CACNA2D1: variants seen among roughly 807,000 people sequenced by gnomAD.
CACNA2D1 encodes voltage-dependent calcium channel subunit alpha-2/delta-1.
Under a neutral mutation model 171.5 loss-of-function variants are expected in CACNA2D1, and 53 were observed. That is an observed-to-expected ratio of 0.31 (90% CI 0.25 to 0.39). The LOEUF is 0.39. Among genes scored for constraint, CACNA2D1 ranks in the 10% least tolerant of loss-of-function variants. The probability of loss-of-function intolerance (pLI) is 1.00; values close to 1 mark genes in which losing one functional copy is unlikely to be tolerated. For missense variants in CACNA2D1, 903 were observed against 1,299.8 expected (o/e 0.69, Z 4.69); for synonymous variants, 442 against 443.1 (o/e 1.00, Z 0.03).
chr7:81,966,490 G>C (rs998696231), intron 31 of CACNA2D1, among the ~76,000 whole-genome samples: 1 of 151,242 alleles, frequency 6.6e-6, no homozygotes, highest in African/African-American at 2.4e-5. Flanking sequence ...TGATAAAGAC[G>C]ATATGAACCC....
intron 3 of CACNA2D1, 50 bp downstream of exon 3, chr7:82,335,085 A>C: frequency 8.6e-7 from 1 of 1,167,014 alleles, no homozygotes; most frequent in East Asian, 2.3e-5. Context: ...AAATTAAATA[A>C]TAGATAAGTA....
chr7:82,258,256 T>A (rs1261222230), intron 3 of CACNA2D1, among the ~76,000 whole-genome samples: 1 of 151,262 alleles, frequency 6.6e-6, no homozygotes, highest in East Asian at 2.0e-4. Context: ...ATTTCCTTTA[T>A]AAATTACAGT....
chr7:82,377,964 T>C (rs1409385279), intron 1 of CACNA2D1, among the ~76,000 whole-genome samples: 2 of 152,194 alleles, frequency 1.3e-5, no homozygotes, highest in South Asian at 2.1e-4. Context: ...ATTCCTATCA[T>C]GTATGGCCTG....
intron 6 of CACNA2D1, among the ~76,000 whole-genome samples, chr7:82,110,212 T>C (rs1788212717): frequency 6.6e-6 from 1 of 152,220 alleles, no homozygotes; most frequent in Admixed American, 6.5e-5. Flanking sequence ...TGGATGTTTG[T>C]ATACTCCCAA....
At chr7:82,120,058 C>G (rs1213838468) in intron 5 of CACNA2D1, among the ~76,000 whole-genome samples, 2 of 152,050 alleles carry the variant, frequency 1.3e-5, no homozygotes, top group Non-Finnish European at 1.5e-5. Context: ...TGGTATGTTC[C>G]TATTATTTCC....
chr7:81,983,467 T>C, intron 22 of CACNA2D1, 133 bp from the exon 23 acceptor site: 1 of 730,654 alleles, frequency 1.4e-6, no homozygotes, highest in Non-Finnish European at 2.4e-6. Context: ...AAGGTTCATT[T>C]ATGTACAGCT....
At chr7:82,253,716 AT>A (rs1805949121) in intron 3 of CACNA2D1, among the ~76,000 whole-genome samples, 1 of 152,146 alleles carries the variant, frequency 6.6e-6, no homozygotes, top group Admixed American at 6.5e-5. Context: ...ATATTACATG[AT>A]TTTTACACTA....
intron 7 of CACNA2D1, among the ~76,000 whole-genome samples, chr7:82,081,891 G>A (rs929737): frequency 0.33 from 50,214 of 152,034 alleles, 8,734 homozygotes; most frequent in Middle Eastern, 0.45. Context: ...GCTCCGGTCC[G>A]CCATTCCAAG....
intron 10 of CACNA2D1, among the ~76,000 whole-genome samples, chr7:82,059,889 C>T (rs1450453524): frequency 1.1e-4 from 15 of 140,444 alleles, no homozygotes; most frequent in South Asian, 4.7e-4. Context: ...AGCAAACTAT[C>T]GCAAGGACAA....
intron 12 of CACNA2D1, among the ~76,000 whole-genome samples, chr7:82,017,176 G>T (rs1232754828): frequency 1.3e-5 from 2 of 151,840 alleles, no homozygotes; most frequent in Non-Finnish European, 2.9e-5. Context: ...GATTATCTTA[G>T]AGCTTTCTAT....
chr7:82,196,618 G>C (rs1246730530), intron 3 of CACNA2D1, among the ~76,000 whole-genome samples: 4 of 152,042 alleles, frequency 2.6e-5, no homozygotes, highest in Admixed American at 2.6e-4. Context: ...GGAAGCACAA[G>C]AGAAAACAGG....
chr7:82,037,380 G>A (rs918568292), intron 11 of CACNA2D1, among the ~76,000 whole-genome samples: 2 of 152,132 alleles, frequency 1.3e-5, no homozygotes, highest in Non-Finnish European at 2.9e-5. Flanking sequence ...TTGGGAGGCT[G>A]AGGCAGGAAA....
At chr7:82,128,070 C>T (rs1473026934) in intron 5 of CACNA2D1, among the ~76,000 whole-genome samples, 1 of 151,766 alleles carries the variant, frequency 6.6e-6, no homozygotes, top group Non-Finnish European at 1.5e-5. Flanking sequence ...ACTACAGGTG[C>T]ACCCCACCAT....
intron 30 of CACNA2D1, 41 bp downstream of exon 30, chr7:81,967,555 A>G: frequency 9.4e-7 from 1 of 1,068,004 alleles, no homozygotes; most frequent in Non-Finnish European, 1.4e-6. Flanking sequence ...GAATTTTGAA[A>G]ACATTAAACA....
intron 6 of CACNA2D1, among the ~76,000 whole-genome samples, chr7:82,102,102 C>A (rs902306067): frequency 6.6e-6 from 1 of 151,978 alleles, no homozygotes; most frequent in Admixed American, 6.6e-5. Flanking sequence ...TTTGTTTTCC[C>A]TAACCTGCCA....
rs183608466 is a variant in CACNA2D1, at chr7:82,042,142, T to C, written c.880-3907A>G. ...GTACAGAAAGGAATAACTTACAAAG[T>C]ATAACTCCCTATAGCAAATCTTACT... is the stretch of plus-strand genomic sequence containing the variant. On this transcript the variant is annotated intron_variant, in intron 10 of 38. Transcript: ENST00000356860. Among the ~76,000 whole-genome samples the C allele has an allele frequency of 6.6e-5, 10 of 152,288 alleles. No individual in the cohort carries two copies. The East Asian group carries it at 1.7e-3, about 26-fold the overall frequency.
intron 6 of CACNA2D1, among the ~76,000 whole-genome samples, chr7:82,102,319 G>T (rs549013996): frequency 1.3e-5 from 2 of 151,904 alleles, no homozygotes; most frequent in Non-Finnish European, 2.9e-5. Context: ...AAAATCCTGA[G>T]AAGCAGAGGA....
In CACNA2D1 at chr7:81,985,196, CTTTTTTTTT is replaced by C. The variant is rs774555240; in HGVS notation, c.1797-494_1797-486del. On this transcript the variant is annotated intron_variant, in intron 21 of 38. Transcript: ENST00000356860. ...AATGGAAGAGTTACTATTATCATTA[CTTTTTTTTT>C]TTTTTTTTTTTTGGAGACAAGGTCT... Among the ~76,000 whole-genome samples the C allele has an allele frequency of 2.9e-5, 3 of 104,178 alleles. No homozygotes were observed. The East Asian group carries it at 8.0e-4, about 28-fold the overall frequency. 68.3% of individuals were successfully genotyped at this position (104,178 alleles called of 152,430 possible).
At chr7:82,340,938 T>A (rs1402278895) in intron 2 of CACNA2D1, among the ~76,000 whole-genome samples, 1 of 152,140 alleles carries the variant, frequency 6.6e-6, no homozygotes, top group East Asian at 1.9e-4. Flanking sequence ...AGGAGTAAAT[T>A]CAATATCTTC....
Sources: gnomAD v4.1 joint callset for allele counts (sites outside exome capture counted in the v4.1 genomes callset) on GRCh38, gnomAD v4.1.1 for gene constraint, MANE v1.5 for transcripts, NCBI Gene and HGNC (gene_info 2026-07-23, HGNC 2026-07-21) for gene names.